The following KIF5C variants were observed in gnomAD, a reference collection of about 807,000 sequenced individuals.
The protein encoded by KIF5C is kinesin heavy chain isoform 5C.
KIF5C carries 18 observed loss-of-function variants against 125.2 expected under a neutral mutation model. The ratio of observed to expected loss-of-function variants is 0.14; its 90% CI spans 0.10 to 0.21. KIF5C has a LOEUF of 0.21. Among genes scored for constraint, KIF5C ranks in the 10% least tolerant of loss-of-function variants. The pLI, the probability that KIF5C is intolerant of heterozygous loss-of-function variation, is 1.00. For missense variants in KIF5C, 780 were observed against 1,183.8 expected (o/e 0.66, Z 5.01); for synonymous variants, 405 against 434.0 (o/e 0.93, Z 0.83).
At chr2:148,986,591 A>T (rs1020945376) in intron 15 of KIF5C, among the ~76,000 whole-genome samples, 1 of 152,224 alleles carries the variant, frequency 6.6e-6, no homozygotes, top group African/African-American at 2.4e-5. Flanking sequence ...ATTGGTCATG[A>T]CTATGAATTG....
At chr2:148,993,288 T>A (rs1681575332) in intron 16 of KIF5C, among the ~76,000 whole-genome samples, 1 of 152,204 alleles carries the variant, frequency 6.6e-6, no homozygotes, top group African/African-American at 2.4e-5. Flanking sequence ...GACTTTGCTG[T>A]ATGAGATCAG....
At chr2:148,997,958 A>C (rs982045543) in intron 18 of KIF5C, 1 of 170,634 alleles carries the variant, frequency 5.9e-6, no homozygotes, top group Admixed American at 5.6e-5. Context: ...TGTTGCCAAA[A>C]GGTCTCCTTT....
chr2:149,011,536 T>C (rs1682195789), intron 24 of KIF5C, 34 bp from the exon 25 acceptor site: 1 of 1,612,444 alleles, frequency 6.2e-7, no homozygotes, highest in South Asian at 1.1e-5. Context: ...TTTCTAAATG[T>C]CTGTTCTCTC....
chr2:148,937,362 G>A lies in KIF5C; in HGVS notation c.370G>A (p.Asp124Asn). 6.3e-7 allele frequency: 1 copy of A among 1,598,244 alleles called. No homozygotes were observed. Among genetic ancestry groups the A allele is most frequent in the East Asian group, 2.2e-5 (1 of 44,450 alleles). ...TATCTTTGACCATATCTACTCCATGGATGAGAACCTGGAGTTTCACATAAA... is the reference window on the plus strand; with the variant it reads ...TATCTTTGACCATATCTACTCCATGAATGAGAACCTGGAGTTTCACATAAA... Reference protein sequence around the residue: ...HDIFDHIYSMDENLEFHIKVS... With the variant: ...HDIFDHIYSMNENLEFHIKVS... The change falls in exon 4 of 26, where the codon GAT becomes AAT. Residue 124 changes from aspartate (D) to asparagine (N), a missense_variant. By Grantham distance (23) the Asp-to-Asn change is conservative. This residue lies in a region of KIF5C where 207 missense variants were observed against 441.2 expected (regional missense o/e 0.47). Coordinates refer to ENST00000435030, the MANE Select transcript of KIF5C (RefSeq NM_004522.3).
intron 3 of KIF5C, among the ~76,000 whole-genome samples, chr2:148,932,714 C>T: frequency 6.6e-6 from 1 of 152,210 alleles, no homozygotes; most frequent in East Asian, 1.9e-4. Context: ...CCAAGAGACG[C>T]TTGGAGGTCA....
Position 149,024,514 on chromosome 2 carries a change from AAGTGTGTGTG to A in KIF5C, c.*1445_*1454del, listed in dbSNP as rs1413412249. On this transcript the variant is annotated 3_prime_UTR_variant, in exon 26 of 26. Transcript: ENST00000435030. ...TGACTGTGTGGGTCGAAGGTAGCTC[AAGTGTGTGTG>A]TGTGTGTGTGTGTGTGTGTGTGTGT... The A allele has an allele frequency of 3.2e-5, 3 of 94,338 alleles. No homozygotes were observed. In the East Asian group the frequency reaches 9.5e-4, roughly 30 times the overall value. The allele number at this position is 94,338 out of a possible 1,614,324, so 5.8% of individuals were successfully genotyped here. A position where few individuals can be genotyped will look rare whatever the true frequency, so the allele number is the denominator to read the frequency against.
intron 3 of KIF5C, among the ~76,000 whole-genome samples, chr2:148,933,537 C>T (rs1682221540): frequency 1.3e-5 from 2 of 150,020 alleles, no homozygotes; most frequent in Non-Finnish European, 3.0e-5. Context: ...ACATACCATA[C>T]ACCCCCACAT....
intron 10 of KIF5C, among the ~76,000 whole-genome samples, chr2:148,955,093 G>GC (rs946770347): frequency 6.6e-6 from 1 of 152,066 alleles, no homozygotes; most frequent in African/African-American, 2.4e-5. Context: ...TCTCCCTCCT[G>GC]CCCTCCCTCC....
At position 148,947,819 on chromosome 2, in the gene KIF5C, A is replaced by G. The variant is rs1047212459; in HGVS notation, c.714+796A>G. On this transcript the variant is annotated intron_variant, in intron 8 of 25. Transcript: ENST00000435030. The stretch of plus-strand genomic sequence containing the variant: ...ATGTGCACAATGCCCTCTGGCCTCC[A>G]TCATCACTGACATCATGCTGATTGT... The G allele has an allele frequency of 8.9e-6, 4 of 451,220 alleles. No homozygotes were observed. In the East Asian group the frequency reaches 2.1e-4, roughly 24 times the overall value. The allele number at this position is 451,220 out of a possible 1,614,324, so 28.0% of individuals were successfully genotyped here.
Position 148,955,689 on chromosome 2 carries a change from A to G in KIF5C, c.968+5227A>G, listed in dbSNP as rs115853137. 3.3e-3 allele frequency among the ~76,000 whole-genome samples: 507 copies of G among 152,052 alleles called. 4 individuals are homozygous for G. The highest frequency in any genetic ancestry group is 0.012 in the African/African-American group (484 of 41,456). On this transcript the variant is annotated intron_variant, in intron 10 of 25. Coordinates refer to ENST00000435030, the MANE Select transcript of KIF5C (RefSeq NM_004522.3). ...TATCATCTGTCTTTATCTTTCTCCTATTGGTTCTGTTTCTCTGGAGAGCTC... is the reference window on the plus strand; with the variant it reads ...TATCATCTGTCTTTATCTTTCTCCTGTTGGTTCTGTTTCTCTGGAGAGCTC...
intron 11 of KIF5C, among the ~76,000 whole-genome samples, chr2:148,963,190 G>A (rs970845289): frequency 6.6e-6 from 1 of 151,768 alleles, no homozygotes; most frequent in African/African-American, 2.4e-5. Flanking sequence ...CTAAAATAAG[G>A]CAGGTTGGTG....
chr2:148,879,349 G>C (rs1681282430), intron 1 of KIF5C: 1 of 152,158 alleles, frequency 6.6e-6, no homozygotes, highest in Non-Finnish European at 1.5e-5. Flanking sequence ...ATTTAACATA[G>C]TTTACAGAGT....
At chr2:148,943,436 CAG>C (rs940897217) in intron 7 of KIF5C, among the ~76,000 whole-genome samples, 9 of 151,988 alleles carry the variant, frequency 5.9e-5, no homozygotes, top group African/African-American at 1.9e-4. Flanking sequence ...GGACAAATGA[CAG>C]TGAGTTCATA....
At chr2:149,003,856 T>C (rs1168030999) in intron 21 of KIF5C, among the ~76,000 whole-genome samples, 2 of 152,186 alleles carry the variant, frequency 1.3e-5, no homozygotes, top group African/African-American at 2.4e-5. Flanking sequence ...CATTCCCCTT[T>C]GGTGTGGTGG....
intron 4 of KIF5C, among the ~76,000 whole-genome samples, chr2:148,938,348 A>G (rs1050446194): frequency 6.6e-6 from 1 of 152,198 alleles, no homozygotes; most frequent in African/African-American, 2.4e-5. Context: ...GGTTTTTAAT[A>G]TATTCCCAAA....
chr2:148,988,719 A>G (rs1452803197), intron 15 of KIF5C, among the ~76,000 whole-genome samples: 1 of 152,212 alleles, frequency 6.6e-6, no homozygotes, highest in Non-Finnish European at 1.5e-5. Context: ...AACACACTCA[A>G]CTTAAAGATT....
chr2:148,943,009 G>A (rs996324012), intron 7 of KIF5C, among the ~76,000 whole-genome samples: 1 of 152,112 alleles, frequency 6.6e-6, no homozygotes. Flanking sequence ...ACTGGACCCT[G>A]ATAACAGCCT....
chr2:148,947,886 C>G, intron 8 of KIF5C: 1 of 456,770 alleles, frequency 2.2e-6, no homozygotes, highest in South Asian at 1.5e-5. Context: ...GTCTCCCTAA[C>G]TGTATGATTG....
intron 1 of KIF5C, among the ~76,000 whole-genome samples, chr2:148,889,986 T>G (rs1180270727): frequency 6.6e-6 from 1 of 152,216 alleles, no homozygotes; most frequent in African/African-American, 2.4e-5. Context: ...GCATGTTTCC[T>G]TTTCTACAAA....
Sources: gnomAD v4.1 joint callset for allele counts (sites outside exome capture counted in the v4.1 genomes callset) on GRCh38, gnomAD v4.1.1 for gene constraint, gnomAD v4.1.1 regional missense constraint, MANE v1.5 for transcripts, NCBI Gene and HGNC (gene_info 2026-07-23, HGNC 2026-07-21) for gene names.